ATP8B4: variants seen among roughly 807,000 people sequenced by gnomAD.
The protein encoded by ATP8B4 is ATPase phospholipid transporting 8B4 (putative).
A neutral mutation model predicts 145.6 loss-of-function variants in ATP8B4; 133 were observed. The ratio of observed to expected loss-of-function variants is 0.91; its 90% CI spans 0.79 to 1.05. The LOEUF is 1.05. Among genes scored for constraint, ATP8B4 ranks in the 50% least tolerant of loss-of-function variants. ATP8B4 has a pLI of 0.00. For synonymous variants in ATP8B4, 507 were observed against 492.9 expected (o/e 1.03, Z -0.38); for missense variants, 1,458 against 1,425.2 (o/e 1.02, Z -0.37).
chr15:49,893,652 A>G (rs761111473), intron 23 of ATP8B4, among the ~76,000 whole-genome samples: 1 of 152,186 alleles, frequency 6.6e-6, no homozygotes, highest in Non-Finnish European at 1.5e-5. Context: ...ACTAGGGGAA[A>G]TGCAGAGTTG....
In ATP8B4 at chr15:49,908,917, C is replaced by T. The variant is rs567513863; in HGVS notation, c.2142-7678G>A. Among the ~76,000 whole-genome samples the T allele has an allele frequency of 6.6e-5, 10 of 152,282 alleles. No homozygotes were observed. In the East Asian group the frequency reaches 1.9e-3, roughly 29 times the overall value. On this transcript the variant is annotated intron_variant, in intron 20 of 27. Coordinates refer to ENST00000284509, the MANE Select transcript of ATP8B4 (RefSeq NM_024837.4). ...CCACCTACAGCCAAAGCACACACTTCCCAGCCACCTGCCTAAGGCTGCTAC... is the reference window on the plus strand; with the variant it reads ...CCACCTACAGCCAAAGCACACACTTTCCAGCCACCTGCCTAAGGCTGCTAC...
At chr15:50,136,333 G>C (rs2044121013) in intron 1 of ATP8B4, among the ~76,000 whole-genome samples, 2 of 152,154 alleles carry the variant, frequency 1.3e-5, no homozygotes, top group Non-Finnish European at 2.9e-5. Flanking sequence ...AGGACTAAAG[G>C]CAGGAGGGCT....
intron 12 of ATP8B4, among the ~76,000 whole-genome samples, chr15:49,976,308 C>T (rs371963401): frequency 9.9e-5 from 12 of 121,538 alleles, no homozygotes; most frequent in African/African-American, 3.7e-4. Flanking sequence ...GCTTTATTTT[C>T]CTTACTCTTT....
At chr15:50,176,844 A>G (rs2044770870) in intron 1 of ATP8B4, among the ~76,000 whole-genome samples, 1 of 152,228 alleles carries the variant, frequency 6.6e-6, no homozygotes, top group African/African-American at 2.4e-5. Flanking sequence ...CACAACTGGG[A>G]TGCCAATGCA....
chr15:50,015,981 G>C (rs1475249528), intron 6 of ATP8B4, among the ~76,000 whole-genome samples: 2 of 152,160 alleles, frequency 1.3e-5, no homozygotes, highest in East Asian at 3.8e-4. Context: ...AAGATGTAGT[G>C]CTATAGCATG....
At chr15:49,947,905 A>G (rs2153485630) in intron 14 of ATP8B4, among the ~76,000 whole-genome samples, 1 of 152,258 alleles carries the variant, frequency 6.6e-6, no homozygotes, top group African/African-American at 2.4e-5. Flanking sequence ...AGTGAGGAAA[A>G]CTAGATATGC....
rs190507066 is a variant in ATP8B4 at position 49,877,627 on chromosome 15, C to T, written c.2782-1104G>A. ...GGCTTTGAAACAAGACAGTCATGAG[C>T]TCAATCCCTGGTAACGGGTTTAGCT... On this transcript the variant is annotated intron_variant, in intron 24 of 27. Transcript: ENST00000284509. Among the ~76,000 whole-genome samples, 480 of 152,252 alleles carry T rather than the reference C, an allele frequency of 3.2e-3. 4 individuals are homozygous for T. Among genetic ancestry groups the T allele is most frequent in the South Asian group, 0.019 (94 of 4,824 alleles).
intron 23 of ATP8B4, among the ~76,000 whole-genome samples, chr15:49,892,551 AAC>A (rs1343125107): frequency 3.3e-5 from 5 of 152,184 alleles, no homozygotes; most frequent in African/African-American, 1.2e-4. Flanking sequence ...TTGTTTTCAA[AAC>A]ACTAGAACTG....
At chr15:50,110,904 A>C (rs1179502058) in intron 1 of ATP8B4, among the ~76,000 whole-genome samples, 1 of 136,902 alleles carries the variant, frequency 7.3e-6, no homozygotes, top group Non-Finnish European at 1.5e-5. Flanking sequence ...TACTTCCATA[A>C]ATACTTTTTT....
intron 14 of ATP8B4, among the ~76,000 whole-genome samples, chr15:49,949,576 G>A (rs548229415): frequency 2.6e-5 from 4 of 152,054 alleles, no homozygotes; most frequent in Non-Finnish European, 4.4e-5. Context: ...GTGCTGAGAC[G>A]ATGGGGTTTT....
chr15:50,058,024 C>A (rs2052732544), intron 3 of ATP8B4, among the ~76,000 whole-genome samples: 1 of 152,022 alleles, frequency 6.6e-6, no homozygotes, highest in South Asian at 2.1e-4. Context: ...AGAAAAAGAC[C>A]TAGCATATGC....
chr15:49,874,743 C>T (rs1377435021), intron 25 of ATP8B4, among the ~76,000 whole-genome samples: 2 of 152,002 alleles, frequency 1.3e-5, no homozygotes, highest in East Asian at 1.9e-4. Context: ...TCACTTGAAG[C>T]TTTTAAAATA....
intron 14 of ATP8B4, among the ~76,000 whole-genome samples, chr15:49,946,493 C>G (rs982383061): frequency 6.6e-6 from 1 of 152,220 alleles, no homozygotes; most frequent in East Asian, 1.9e-4. Context: ...GCCTAGCAGA[C>G]TGGGTTCCCC....
chr15:50,128,098 G>A (rs1040206231), intron 1 of ATP8B4, among the ~76,000 whole-genome samples: 1 of 152,204 alleles, frequency 6.6e-6, no homozygotes, highest in South Asian at 2.1e-4. Context: ...TTTGTATCCA[G>A]TCTGTCAAGG....
rs1481953957 is a variant in ATP8B4, at chr15:50,132,969, G to A, written c.-42-25961C>T. On this transcript the variant is annotated intron_variant, in intron 1 of 3. Coordinates refer to the ATP8B4 transcript ENST00000558829. ...ACACCAGGGCCTGTTGAGGGGTGGT[G>A]GGCTAGGGGAGGGATAGCATTAGGA... Among the ~76,000 whole-genome samples, 16 of 122,506 alleles carry A rather than the reference G, an allele frequency of 1.3e-4. No homozygotes were observed. In the Admixed American group the frequency reaches 1.5e-3, roughly 11 times the overall value. 80.4% of individuals were successfully genotyped at this position (122,506 alleles called of 152,430 possible). A position where few individuals can be genotyped will look rare whatever the true frequency, so the allele number is the denominator to read the frequency against.
chr15:50,075,150 G>A (rs1302571496), intron 2 of ATP8B4, among the ~76,000 whole-genome samples: 1 of 152,132 alleles, frequency 6.6e-6, no homozygotes, highest in East Asian at 1.9e-4. Context: ...CTTACAACCA[G>A]AGATAAAGGA....
At chr15:49,879,902 C>T (rs1351673985) in intron 23 of ATP8B4, 2 of 152,634 alleles carry the variant, frequency 1.3e-5, no homozygotes, top group Admixed American at 6.5e-5. Context: ...TTATTTCTAT[C>T]CTGTGTTAAA....
At chr15:50,022,156 C>CA (rs397800733) in intron 6 of ATP8B4, among the ~76,000 whole-genome samples, 6,979 of 151,786 alleles carry the variant, frequency 0.046, 567 homozygotes, top group African/African-American at 0.16. Flanking sequence ...ATATTTGCCA[C>CA]AAAAAAATGC....
chr15:50,153,340 A>AT (rs1221878321), intron 1 of ATP8B4, among the ~76,000 whole-genome samples: 2 of 113,028 alleles, frequency 1.8e-5, no homozygotes, highest in Non-Finnish European at 3.7e-5. Context: ...AAAAAGATAC[A>AT]CCTTTTTTTT....
Sources: allele counts gnomAD v4.1 joint callset (sites outside exome capture counted in the v4.1 genomes callset), GRCh38; gene constraint gnomAD v4.1.1; transcripts MANE v1.5; gene names NCBI Gene and HGNC (gene_info 2026-07-23, HGNC 2026-07-21).